Variants in MAP2K1 observed in about 807,000 individuals in gnomAD.
MAP2K1 encodes the protein mitogen-activated protein kinase kinase 1, also known as dual specificity mitogen-activated protein kinase kinase 1.
A neutral mutation model predicts 46.3 loss-of-function variants in MAP2K1; 16 were observed. The ratio of observed to expected loss-of-function variants is 0.35; its 90% CI spans 0.23 to 0.52. MAP2K1 has a LOEUF of 0.52. Among genes scored for constraint, MAP2K1 ranks in the 20% least tolerant of loss-of-function variants. The pLI is 0.94. For missense variants in MAP2K1, 263 were observed against 497.1 expected (o/e 0.53, Z 4.48); for synonymous variants, 183 against 185.6 (o/e 0.99, Z 0.11).
chr15:66,426,215 G>A (rs1241676749), intron 1 of MAP2K1, among the ~76,000 whole-genome samples: 1 of 150,624 alleles, frequency 6.6e-6, no homozygotes, highest in Non-Finnish European at 1.5e-5. Flanking sequence ...TGCTCCATAG[G>A]CAGAGAGCAG....
rs1443641053 is a variant in MAP2K1 at position 66,420,717 on chromosome 15, ATATATGTGTG to A, written c.81-14308_81-14299del. ...ATACTTACTCTTGGCATATATATAT[ATATATGTGTG>A]TGTGTGTGTGTGTGTGTGTGTGTGT... On this transcript the variant is annotated intron_variant, in intron 1 of 10. Coordinates refer to ENST00000307102, the MANE Select transcript of MAP2K1 (RefSeq NM_002755.4). Among the ~76,000 whole-genome samples, 3 of 32,818 alleles carry A rather than the reference ATATATGTGTG, an allele frequency of 9.1e-5. 1 individual carries two copies. The highest frequency in any genetic ancestry group is 4.8e-4 in the East Asian group (1 of 2,072). 21.5% of individuals were successfully genotyped at this position (32,818 alleles called of 152,430 possible). A position where few individuals can be genotyped will look rare whatever the true frequency, so the allele number is the denominator to read the frequency against.
intron 10 of MAP2K1, 154 bp downstream of exon 10, chr15:66,489,917 T>A: frequency 2.7e-6 from 2 of 754,204 alleles, no homozygotes; most frequent in South Asian, 2.8e-5. Context: ...CCAGTCTCCT[T>A]TGCTCTCCCA....
intron 3 of MAP2K1, among the ~76,000 whole-genome samples, chr15:66,437,102 A>G (rs1174692222): frequency 6.6e-6 from 1 of 152,200 alleles, no homozygotes; most frequent in African/African-American, 2.4e-5. Flanking sequence ...TCTTGAAGGA[A>G]GTGGGCAGTA....
intron 1 of MAP2K1, among the ~76,000 whole-genome samples, chr15:66,405,554 C>T (rs1038227478): frequency 2.0e-5 from 3 of 152,166 alleles, no homozygotes; most frequent in Non-Finnish European, 2.9e-5. Flanking sequence ...AAGGAAGTAA[C>T]GTTCAGCATC....
chr15:66,412,745 T>G (rs1009687943), intron 1 of MAP2K1, among the ~76,000 whole-genome samples: 1 of 152,128 alleles, frequency 6.6e-6, no homozygotes. Context: ...GCAGTGGCTA[T>G]TCACAGGTGC....
At chr15:66,432,360 A>G (rs1459235987) in intron 1 of MAP2K1, among the ~76,000 whole-genome samples, 1 of 152,204 alleles carries the variant, frequency 6.6e-6, no homozygotes, top group African/African-American at 2.4e-5. Context: ...GAGGAGGGAG[A>G]AAGGAAGCAC....
chr15:66,387,313 C>CT lies in MAP2K1; in HGVS notation c.-35_-34insT. 6.5e-7 allele frequency: 1 copy of CT among 1,529,372 alleles called. No individual in the cohort carries two copies. The highest frequency in any genetic ancestry group is 8.9e-7 in the Non-Finnish European group (1 of 1,126,820). 94.7% of individuals were successfully genotyped at this position (1,529,372 alleles called of 1,614,324 possible). ...GGAGGAAGCGAGAGGTGCTGCCCTC[C>CT]CCCCGGAGTTGGAAGCGCGTTACCC... On this transcript the variant is annotated 5_prime_UTR_variant, in exon 1 of 11. Transcript: ENST00000307102.
intron 1 of MAP2K1, among the ~76,000 whole-genome samples, chr15:66,392,394 G>C (rs1443837067): frequency 6.6e-6 from 1 of 150,788 alleles, no homozygotes; most frequent in Non-Finnish European, 1.5e-5. Context: ...GCTCAGGCTG[G>C]TCTTGAACTC....
At chr15:66,476,955 T>A (rs774390551) in intron 5 of MAP2K1, among the ~76,000 whole-genome samples, 2 of 152,220 alleles carry the variant, frequency 1.3e-5, no homozygotes, top group Non-Finnish European at 2.9e-5. Context: ...AAGAGGGATG[T>A]CCTAGCCTGG....
At chr15:66,449,055 G>C (rs983696096) in intron 5 of MAP2K1, among the ~76,000 whole-genome samples, 1 of 143,790 alleles carries the variant, frequency 7.0e-6, no homozygotes, top group Non-Finnish European at 1.5e-5. Flanking sequence ...CATTCAGAGA[G>C]AGGACAACCA....
At chr15:66,462,964 A>G (rs902679957) in intron 5 of MAP2K1, among the ~76,000 whole-genome samples, 1 of 152,174 alleles carries the variant, frequency 6.6e-6, no homozygotes, top group Non-Finnish European at 1.5e-5. Context: ...CGTGCTTTGC[A>G]CTTGTTTCTT....
intron 5 of MAP2K1, among the ~76,000 whole-genome samples, chr15:66,468,389 TGAAAAA>T (rs1311911711): frequency 6.6e-6 from 1 of 152,154 alleles, no homozygotes; most frequent in African/African-American, 2.4e-5. Context: ...AACTCTTTGG[TGAAAAA>T]TCAGATAGCA....
intron 1 of MAP2K1, among the ~76,000 whole-genome samples, chr15:66,409,765 CA>C (rs2093406780): frequency 6.6e-6 from 1 of 152,212 alleles, no homozygotes; most frequent in Non-Finnish European, 1.5e-5. Context: ...CACCAGTCTT[CA>C]CACCCCCGCT....
intron 5 of MAP2K1, among the ~76,000 whole-genome samples, chr15:66,478,392 A>AT (rs1892817308): frequency 7.9e-6 from 1 of 127,176 alleles, no homozygotes; most frequent in African/African-American, 2.7e-5. Flanking sequence ...ATACACAGAT[A>AT]TGTGTGTGTA....
At chr15:66,426,792 T>C (rs551404010) in intron 1 of MAP2K1, among the ~76,000 whole-genome samples, 4 of 152,358 alleles carry the variant, frequency 2.6e-5, no homozygotes, top group African/African-American at 7.2e-5. Flanking sequence ...CTGTAGTTTT[T>C]CTTACAGTTA....
chr15:66,424,163 C>T (rs1352123164), intron 1 of MAP2K1, among the ~76,000 whole-genome samples: 1 of 151,402 alleles, frequency 6.6e-6, no homozygotes, highest in African/African-American at 2.4e-5. Flanking sequence ...GTTCAAATGA[C>T]TCTCCTGTCT....
At chr15:66,405,059 C>T (rs775840825) in intron 1 of MAP2K1, among the ~76,000 whole-genome samples, 1 of 152,190 alleles carries the variant, frequency 6.6e-6, no homozygotes, top group Non-Finnish European at 1.5e-5. Context: ...CCTACCTCAT[C>T]TCTTTGCATT....
At chr15:66,396,964 C>T (rs113513894) in intron 1 of MAP2K1, among the ~76,000 whole-genome samples, 29,703 of 145,254 alleles carry the variant, frequency 0.2, 3,647 homozygotes, top group Middle Eastern at 0.34. Flanking sequence ...GGATTACAGG[C>T]ATGAGCTACC....
At chr15:66,432,317 G>C (rs1230212347) in intron 1 of MAP2K1, among the ~76,000 whole-genome samples, 1 of 152,200 alleles carries the variant, frequency 6.6e-6, no homozygotes, top group Admixed American at 6.5e-5. Context: ...TAGCTGGTAG[G>C]GTGGGTGGTT....
Sources: allele counts gnomAD v4.1 joint callset (sites outside exome capture counted in the v4.1 genomes callset), GRCh38; gene constraint gnomAD v4.1.1; transcripts MANE v1.5; gene names NCBI Gene and HGNC (gene_info 2026-07-23, HGNC 2026-07-21).